ANTXR1: variants seen among roughly 807,000 people sequenced by gnomAD.
The protein encoded by ANTXR1 is ANTXR cell adhesion molecule 1, also known as anthrax toxin receptor 1.
A neutral mutation model predicts 78.1 loss-of-function variants in ANTXR1; 19 were observed. The observed-to-expected ratio is 0.24, with a 90% CI of 0.17 to 0.36. The LOEUF (loss-of-function observed/expected upper bound fraction) is 0.36, where lower values mean the gene tolerates loss of function less well. ANTXR1 is among the 10% of genes least tolerant of loss of function. The probability of loss-of-function intolerance (pLI) is 1.00; values close to 1 mark genes in which losing one functional copy is unlikely to be tolerated. For synonymous variants in ANTXR1, 273 were observed against 260.5 expected (o/e 1.05, Z -0.46); for missense variants, 518 against 718.6 (o/e 0.72, Z 3.19).
At chr2:69,081,866 A>G (rs893102269) in intron 8 of ANTXR1, among the ~76,000 whole-genome samples, 2 of 152,228 alleles carry the variant, frequency 1.3e-5, no homozygotes, top group Non-Finnish European at 2.9e-5. Context: ...ATCTCCTTGA[A>G]TCCTCACAGG....
intron 8 of ANTXR1, among the ~76,000 whole-genome samples, chr2:69,088,106 C>A (rs1671112879): frequency 1.3e-5 from 2 of 152,192 alleles, no homozygotes; most frequent in Non-Finnish European, 2.9e-5. Flanking sequence ...CCTCCATACA[C>A]CCCTTAGATT....
intron 17 of ANTXR1, among the ~76,000 whole-genome samples, chr2:69,219,442 TTATC>T (rs199615845): frequency 0.018 from 2,099 of 117,184 alleles, 52 homozygotes; most frequent in African/African-American, 0.058. Context: ...GAAAATTAGG[TTATC>T]TATCTCCCTT....
chr2:69,207,225 C>T (rs1674927191), intron 17 of ANTXR1, among the ~76,000 whole-genome samples: 1 of 152,178 alleles, frequency 6.6e-6, no homozygotes, highest in African/African-American at 2.4e-5. Flanking sequence ...AACTTTACTC[C>T]AAAAGAATTC....
intron 14 of ANTXR1, among the ~76,000 whole-genome samples, chr2:69,172,096 C>T (rs1189008475): frequency 3.9e-5 from 6 of 152,220 alleles, no homozygotes; most frequent in Admixed American, 3.9e-4. Context: ...ATGACTAGTA[C>T]ATTTCATTGG....
chr2:69,230,843 GGTTT>G (rs1197250193), intron 17 of ANTXR1, among the ~76,000 whole-genome samples: 2 of 152,114 alleles, frequency 1.3e-5, no homozygotes, highest in African/African-American at 4.8e-5. Flanking sequence ...TACATGTGAA[GGTTT>G]GTTACATAGG....
chr2:69,157,471 C>G (rs1235669287), intron 13 of ANTXR1, among the ~76,000 whole-genome samples: 2 of 152,010 alleles, frequency 1.3e-5, no homozygotes, highest in East Asian at 1.9e-4. Context: ...ACATACCCCC[C>G]ACTGAACTCT....
Position 69,237,368 on chromosome 2 carries a change from G to A in ANTXR1, c.1435-7857G>A, listed in dbSNP as rs373368984. Among the ~76,000 whole-genome samples, 252 of 152,316 alleles carry A rather than the reference G, an allele frequency of 1.7e-3. 2 individuals are homozygous for A. Among genetic ancestry groups the A allele is most frequent in the African/African-American group, 5.8e-3 (240 of 41,572 alleles). ...AGTTTTAAGTGGAGAAAAGGGAGCC[G>A]AGAAGGATCAGAGCATCACCACTCA... On this transcript the variant is annotated intron_variant, in intron 17 of 17. Transcript: ENST00000303714.
intron 17 of ANTXR1, among the ~76,000 whole-genome samples, chr2:69,219,187 G>A (rs1209761729): frequency 1.3e-5 from 2 of 152,110 alleles, no homozygotes; most frequent in Non-Finnish European, 2.9e-5. Context: ...GGTTCTGGTG[G>A]TCCTACTATT....
At chr2:69,102,779 G>A in intron 9 of ANTXR1, 63 bp from the exon 10 acceptor site, 1 of 1,447,666 alleles carries the variant, frequency 6.9e-7, no homozygotes, top group South Asian at 1.1e-5. Flanking sequence ...TCTAAATCAG[G>A]GCAGATGCGA....
intron 1 of ANTXR1, among the ~76,000 whole-genome samples, chr2:69,017,223 G>A (rs1016314989): frequency 2.0e-5 from 3 of 152,150 alleles, no homozygotes; most frequent in African/African-American, 4.8e-5. Context: ...CTGGGTGGTC[G>A]CTAAAGACAT....
chr2:69,223,349 C>T (rs1430251189), intron 17 of ANTXR1, among the ~76,000 whole-genome samples: 2 of 152,190 alleles, frequency 1.3e-5, no homozygotes, highest in East Asian at 3.8e-4. Context: ...TCTCCAAGTC[C>T]CCTGCAGTCT....
intron 6 of ANTXR1, among the ~76,000 whole-genome samples, chr2:69,074,798 C>T (rs982031975): frequency 3.9e-5 from 6 of 152,214 alleles, no homozygotes; most frequent in Admixed American, 6.5e-5. Context: ...ATTGAGCACT[C>T]GCTCTATGTT....
At chr2:69,098,824 A>G (rs1363132388) in intron 9 of ANTXR1, among the ~76,000 whole-genome samples, 5 of 152,096 alleles carry the variant, frequency 3.3e-5, no homozygotes, top group Non-Finnish European at 7.4e-5. Context: ...CGTGTCTACT[A>G]AAAATACAAA....
chr2:69,110,527 G>A (rs1671943761), intron 10 of ANTXR1, among the ~76,000 whole-genome samples: 1 of 152,076 alleles, frequency 6.6e-6, no homozygotes, highest in South Asian at 2.1e-4. Context: ...TGGGGAGTGG[G>A]GAATGTTAAT....
chr2:69,025,542 TAGTC>T (rs1415689676), intron 1 of ANTXR1, among the ~76,000 whole-genome samples: 1 of 152,214 alleles, frequency 6.6e-6, no homozygotes, highest in African/African-American at 2.4e-5. Context: ...ATCAGAATCA[TAGTC>T]AGCCTACCAT....
intron 12 of ANTXR1, among the ~76,000 whole-genome samples, chr2:69,142,783 G>T (rs1012763255): frequency 2.0e-5 from 3 of 152,150 alleles, no homozygotes; most frequent in African/African-American, 7.2e-5. Context: ...GGTATGTATG[G>T]GGAGCTAATG....
intron 13 of ANTXR1, among the ~76,000 whole-genome samples, chr2:69,158,402 C>T (rs769170269): frequency 6.6e-6 from 1 of 152,210 alleles, no homozygotes; most frequent in Non-Finnish European, 1.5e-5. Context: ...TCCTGCACAC[C>T]TTTTCCTCAC....
At chr2:69,205,202 G>A (rs932445361) in intron 17 of ANTXR1, among the ~76,000 whole-genome samples, 2 of 152,142 alleles carry the variant, frequency 1.3e-5, no homozygotes, top group Admixed American at 6.5e-5. Flanking sequence ...TACTTCCAAA[G>A]AGAAGAGACC....
rs1002797326 is a variant in ANTXR1, at chr2:69,204,324, C to CCA, written c.1434+10917_1434+10918dup. Among the ~76,000 whole-genome samples the CCA allele has an allele frequency of 5.3e-5, 8 of 152,108 alleles. No homozygotes were observed. The South Asian group carries it at 1.5e-3, about 28-fold the overall frequency. On this transcript the variant is annotated intron_variant, in intron 17 of 17. Coordinates refer to ENST00000303714, the MANE Select transcript of ANTXR1 (RefSeq NM_032208.3). The stretch of plus-strand genomic sequence containing the variant: ...GAAGAGCCAGCCTGCTATAAAACAT[C>CCA]CACACACACCCATCTTCGTTCAGCA...
Sources: allele counts gnomAD v4.1 joint callset (sites outside exome capture counted in the v4.1 genomes callset), GRCh38; gene constraint gnomAD v4.1.1; transcripts MANE v1.5; gene names NCBI Gene and HGNC (gene_info 2026-07-23, HGNC 2026-07-21).